Variants in CLNK observed in about 807,000 individuals in gnomAD.
The protein encoded by CLNK is cytokine-dependent hematopoietic cell linker.
In CLNK, 74 loss-of-function variants were observed where a neutral mutation model predicts 68.6. The ratio of observed to expected loss-of-function variants is 1.08; its 90% CI spans 0.89 to 1.31. CLNK has a LOEUF of 1.31. CLNK is among the 50% of genes most tolerant of loss of function. The pLI is 0.00. For missense variants in CLNK, 553 were observed against 515.3 expected, an observed-to-expected ratio of 1.07 and a Z score of -0.71; for synonymous variants, 198 against 172.2, an observed-to-expected ratio of 1.15 and a Z score of -1.17.
At chr4:10,658,466 G>A (rs770857512) in intron 2 of CLNK, among the ~76,000 whole-genome samples, 1 of 152,182 alleles carries the variant, frequency 6.6e-6, no homozygotes, top group Non-Finnish European at 1.5e-5. Flanking sequence ...CTGGTTCTCA[G>A]CTGGGGGGTT....
chr4:10,502,979 T>C (rs1458752846), intron 17 of CLNK, among the ~76,000 whole-genome samples: 2 of 152,106 alleles, frequency 1.3e-5, no homozygotes, highest in Non-Finnish European at 2.9e-5. Context: ...ATTTGTACAC[T>C]CCAGAGAATA....
At chr4:10,547,220 G>A (rs1719270219) in intron 8 of CLNK, among the ~76,000 whole-genome samples, 1 of 152,186 alleles carries the variant, frequency 6.6e-6, no homozygotes, top group South Asian at 2.1e-4. Context: ...TGATGGCAGA[G>A]GTGGGAGAGT....
At chr4:10,555,260 A>G (rs1429810092) in intron 8 of CLNK, among the ~76,000 whole-genome samples, 1 of 151,848 alleles carries the variant, frequency 6.6e-6, no homozygotes, top group East Asian at 1.9e-4. Context: ...TCATTCTTGT[A>G]TATGGTATGC....
intron 2 of CLNK, among the ~76,000 whole-genome samples, chr4:10,611,944 A>G (rs1722047362): frequency 6.6e-6 from 1 of 152,060 alleles, no homozygotes; most frequent in African/African-American, 2.4e-5. Context: ...CTCTCTCCCT[A>G]CAGCCCCGAT....
At chr4:10,506,711 A>C (rs1399120894) in intron 17 of CLNK, among the ~76,000 whole-genome samples, 1 of 152,236 alleles carries the variant, frequency 6.6e-6, no homozygotes, top group Non-Finnish European at 1.5e-5. Flanking sequence ...TTTACAAATA[A>C]ATAAATCTAC....
At chr4:10,679,494 CA>C (rs1158809720) in intron 1 of CLNK, among the ~76,000 whole-genome samples, 1 of 152,156 alleles carries the variant, frequency 6.6e-6, no homozygotes, top group Non-Finnish European at 1.5e-5. Flanking sequence ...AGCATGGCAA[CA>C]AAAGCCAAAA....
At chr4:10,706,095 T>G in the CLNK span, among the ~76,000 whole-genome samples, 1 of 152,178 alleles carries the variant, frequency 6.6e-6, no homozygotes, top group Admixed American at 6.5e-5. Flanking sequence ...AGTCTTGCTT[T>G]GGGGTCACAT....
chr4:10,583,780 C>A (rs966292717), intron 4 of CLNK, among the ~76,000 whole-genome samples: 6 of 152,200 alleles, frequency 3.9e-5, no homozygotes, highest in African/African-American at 1.2e-4. Context: ...TGCCCATCTG[C>A]CCATTTCTCT....
intron 2 of CLNK, among the ~76,000 whole-genome samples, chr4:10,651,719 A>G (rs963972642): frequency 6.6e-6 from 1 of 152,206 alleles, no homozygotes; most frequent in African/African-American, 2.4e-5. Flanking sequence ...AAATTAATTA[A>G]TAACAGAATT....
chr4:10,584,374 TA>T (rs1017768861), intron 4 of CLNK, among the ~76,000 whole-genome samples: 2 of 152,226 alleles, frequency 1.3e-5, no homozygotes, highest in Admixed American at 1.3e-4. Flanking sequence ...ACCAGCTTTC[TA>T]GGGAAGTTCT....
chr4:10,509,072 A>T (rs910982688), intron 16 of CLNK, among the ~76,000 whole-genome samples: 8 of 135,012 alleles, frequency 5.9e-5, no homozygotes, highest in Non-Finnish European at 6.1e-5. Context: ...GTGCCACTGC[A>T]CTCCAGCCTG....
At chr4:10,688,101 A>G (rs1725333897), upstream of CLNK, among the ~76,000 whole-genome samples, 1 of 152,150 alleles carries the variant, frequency 6.6e-6, no homozygotes, top group Non-Finnish European at 1.5e-5. Flanking sequence ...ACCTCCTGCA[A>G]TGGGCTAGCA....
intron 17 of CLNK, among the ~76,000 whole-genome samples, chr4:10,506,771 A>G (rs2109030273): frequency 6.6e-6 from 1 of 152,310 alleles, no homozygotes; most frequent in Non-Finnish European, 1.5e-5. Flanking sequence ...GATAATTAGC[A>G]TGACCAAGCC....
intron 2 of CLNK, among the ~76,000 whole-genome samples, chr4:10,600,332 G>C (rs369595119): frequency 6.6e-6 from 1 of 152,028 alleles, no homozygotes; most frequent in Admixed American, 6.6e-5. Flanking sequence ...CATTCATTTC[G>C]TTTGTTCATG....
At chr4:10,696,531 A>G in the CLNK span, among the ~76,000 whole-genome samples, 2 of 152,182 alleles carry the variant, frequency 1.3e-5, no homozygotes, top group African/African-American at 4.8e-5. Context: ...ACATTGGAAG[A>G]TGTAAGCTGG....
intron 2 of CLNK, among the ~76,000 whole-genome samples, chr4:10,659,281 GCTA>G (rs1724100394): frequency 6.6e-6 from 1 of 152,350 alleles, no homozygotes; most frequent in Non-Finnish European, 1.5e-5. Context: ...GATTCAATTG[GCTA>G]CAGCGCCTAT....
At chr4:10,604,582 CTTT>C in intron 2 of CLNK, among the ~76,000 whole-genome samples, 1 of 141,424 alleles carries the variant, frequency 7.1e-6, no homozygotes, top group African/African-American at 2.6e-5. Context: ...CTTGTCACAG[CTTT>C]TTTTTTTTTT....
chr4:10,543,831 C>G (rs1472527333), intron 8 of CLNK, among the ~76,000 whole-genome samples: 4 of 152,174 alleles, frequency 2.6e-5, no homozygotes, highest in African/African-American at 9.7e-5. Flanking sequence ...ATTCCAAACA[C>G]TGATTGCACA....
chr4:10,520,933 T>A, intron 14 of CLNK, 102 bp from the exon 15 acceptor site: 1 of 821,840 alleles, frequency 1.2e-6, no homozygotes, highest in Non-Finnish European at 2.0e-6. Flanking sequence ...GAAGTCACAG[T>A]TATAAAGCAC....
Sources: allele counts gnomAD v4.1 joint callset (sites outside exome capture counted in the v4.1 genomes callset), GRCh38; gene constraint gnomAD v4.1.1; transcripts MANE v1.5; gene names NCBI Gene and HGNC (gene_info 2026-07-23, HGNC 2026-07-21).